NBAS: variants seen among roughly 807,000 people sequenced by gnomAD.
NBAS encodes NBAS subunit of NRZ tethering complex.
NBAS carries 219 observed loss-of-function variants against 302.5 expected under a neutral mutation model. The observed-to-expected ratio is 0.72, with a 90% confidence interval of 0.65 to 0.81. NBAS has a LOEUF of 0.81. NBAS is among the 30% of genes least tolerant of loss of function. NBAS has a pLI of 0.00. For synonymous variants in NBAS, 1,118 were observed against 1,021.6 expected, an observed-to-expected ratio of 1.09 and a Z score of -1.80; for missense variants, 2,932 against 2,841.6, an observed-to-expected ratio of 1.03 and a Z score of -0.72.
At chr2:14,822,546 C>T in the NBAS span, among the ~76,000 whole-genome samples, 2 of 152,070 alleles carry the variant, frequency 1.3e-5, no homozygotes, top group African/African-American at 4.8e-5. Flanking sequence ...GGTCATGAAC[C>T]CCAAGCAGGT....
At chr2:14,826,021 T>G in the NBAS span, among the ~76,000 whole-genome samples, 2 of 152,260 alleles carry the variant, frequency 1.3e-5, no homozygotes, top group East Asian at 3.8e-4. Context: ...GTTTGGCAAT[T>G]AGTACCCATG....
Position 15,365,878 on chromosome 2 carries a change from C to CA in NBAS, c.3817+701dup, listed in dbSNP as rs570296874. 1.3e-3 allele frequency among the ~76,000 whole-genome samples: 187 copies of CA among 145,512 alleles called. 1 individual carries two copies. The highest frequency in any genetic ancestry group is 3.3e-3 in the African/African-American group (132 of 39,702). ...CAGAGATCAGCATAAGACAAAACTA[C>CA]AAAAAAAAAAGTATTAAAAAGACTG... On this transcript the variant is annotated intron_variant, in intron 32 of 51. Transcript: ENST00000281513.
At chr2:15,323,544 T>C (rs1188990585) in intron 38 of NBAS, among the ~76,000 whole-genome samples, 5 of 152,172 alleles carry the variant, frequency 3.3e-5, no homozygotes, top group Admixed American at 3.3e-4. Flanking sequence ...CTGAATTCCC[T>C]GAGGTTCTCT....
At position 15,339,716 on chromosome 2, in the gene NBAS, C is replaced by T. The variant is rs144522400; in HGVS notation, c.4180-8951G>A. On this transcript the variant is annotated intron_variant, in intron 35 of 51. Coordinates refer to ENST00000281513, the MANE Select transcript of NBAS (RefSeq NM_015909.4). Reference sequence around the variant, plus strand: ...ATATGGGCTAGAAAGAAAAATAAAGCGGTGTGGCTGGGTGAGAACACCATA... The same window carrying T: ...ATATGGGCTAGAAAGAAAAATAAAGTGGTGTGGCTGGGTGAGAACACCATA... 1.1e-4 allele frequency among the ~76,000 whole-genome samples: 17 copies of T among 152,088 alleles called. No homozygotes were observed. In the East Asian group the frequency reaches 1.5e-3, roughly 14 times the overall value.
chr2:14,889,031 G>A, the NBAS span, among the ~76,000 whole-genome samples: 1 of 152,174 alleles, frequency 6.6e-6, no homozygotes, highest in South Asian at 2.1e-4. Context: ...ATTACTACTT[G>A]TTCCAATCTC....
At chr2:15,471,627 TCAATATGTCCCCCAAAATC>T (rs1027720972) in intron 16 of NBAS, among the ~76,000 whole-genome samples, 2 of 151,962 alleles carry the variant, frequency 1.3e-5, no homozygotes, top group African/African-American at 4.9e-5. Flanking sequence ...TGCTATGAAA[TCAATATGTCCCCCAAAATC>T]CATATGTTGA....
chr2:15,223,690 G>A (rs1408035370), intron 47 of NBAS, among the ~76,000 whole-genome samples: 5 of 151,896 alleles, frequency 3.3e-5, no homozygotes, highest in Admixed American at 2.0e-4. Flanking sequence ...TTAGCTGGGC[G>A]TGGTGGTGCG....
At chr2:15,111,127 T>C in the NBAS span, among the ~76,000 whole-genome samples, 1 of 152,118 alleles carries the variant, frequency 6.6e-6, no homozygotes, top group Admixed American at 6.5e-5. Context: ...CAGCCTGTAA[T>C]AAAGCTGAAT....
At chr2:15,177,784 G>T (rs1664620584) in intron 51 of NBAS, among the ~76,000 whole-genome samples, 1 of 152,184 alleles carries the variant, frequency 6.6e-6, no homozygotes, top group Non-Finnish European at 1.5e-5. Context: ...AGCATAGATA[G>T]GTGGGAGGGC....
intron 9 of NBAS, among the ~76,000 whole-genome samples, chr2:15,515,284 C>G (rs747152744): frequency 7.2e-5 from 11 of 151,748 alleles, no homozygotes; most frequent in Non-Finnish European, 1.5e-4. Context: ...ATTAGTGGCA[C>G]AAAAGATGAC....
intron 21 of NBAS, among the ~76,000 whole-genome samples, chr2:15,458,073 G>A (rs2160691): frequency 0.64 from 96,827 of 151,938 alleles, 31,595 homozygotes; most frequent in Middle Eastern, 0.69. Context: ...TACAAGCGCC[G>A]CCCTAACTGG....
chr2:15,383,234 T>C lies in NBAS; in HGVS notation c.3341A>G (p.Asp1114Gly). The stretch of plus-strand genomic sequence containing the variant: ...AGTTACCTCATAGCAGGCATCAGAA[T>C]CTAGACATGTGTATACATTCTGCTG... ...TMQQNVYTCL[D>G]SDACYEIFTE... Residue 1114 changes from aspartate (D) to glycine (G), a missense_variant, in exon 29 of 52, where the codon GAT (aspartate) becomes GGT (glycine). Physicochemically the swap from Asp to Gly is moderately conservative, Grantham distance 94. Transcript: ENST00000281513. 1.2e-6 allele frequency: 2 copies of C among 1,613,904 alleles called. No individual in the cohort carries two copies. Among genetic ancestry groups the C allele is most frequent in the Non-Finnish European group, 1.7e-6 (2 of 1,179,832 alleles).
At chr2:15,345,536 C>T (rs1197813662) in intron 35 of NBAS, among the ~76,000 whole-genome samples, 1 of 152,192 alleles carries the variant, frequency 6.6e-6, no homozygotes, top group African/African-American at 2.4e-5. Flanking sequence ...TTTCCATGCT[C>T]ATGGATAGGA....
chr2:14,843,937 C>T, the NBAS span, among the ~76,000 whole-genome samples: 1 of 152,020 alleles, frequency 6.6e-6, no homozygotes, highest in Non-Finnish European at 1.5e-5. Flanking sequence ...CAAAAAGCCT[C>T]GGGCCCTAAA....
chr2:15,332,361 G>A (rs941182555), intron 35 of NBAS, among the ~76,000 whole-genome samples: 1 of 152,012 alleles, frequency 6.6e-6, no homozygotes, highest in African/African-American at 2.4e-5. Context: ...CAAAGTTTGT[G>A]GTAATATACA....
At chr2:14,781,572 G>A in the NBAS span, among the ~76,000 whole-genome samples, 1 of 152,048 alleles carries the variant, frequency 6.6e-6, no homozygotes, top group East Asian at 1.9e-4. Context: ...CAAGGCTGCA[G>A]CAGCCAAGTC....
intron 48 of NBAS, among the ~76,000 whole-genome samples, chr2:15,210,873 G>C (rs1378841626): frequency 6.6e-6 from 1 of 152,176 alleles, no homozygotes; most frequent in Non-Finnish European, 1.5e-5. Flanking sequence ...GCCAGGCACG[G>C]AAAGACAAAC....
At chr2:14,837,970 T>C in the NBAS span, among the ~76,000 whole-genome samples, 7 of 151,926 alleles carry the variant, frequency 4.6e-5, no homozygotes, top group Admixed American at 1.3e-4. Context: ...AAAGAATATA[T>C]TTTTGTGGTT....
the NBAS span, among the ~76,000 whole-genome samples, chr2:14,854,138 GA>G: frequency 3.3e-5 from 5 of 150,804 alleles, no homozygotes; most frequent in Admixed American, 3.3e-4. Context: ...AATGATAATG[GA>G]AACAACATAC....
Sources: gnomAD v4.1 joint callset for allele counts (sites outside exome capture counted in the v4.1 genomes callset) on GRCh38, gnomAD v4.1.1 for gene constraint, MANE v1.5 for transcripts, NCBI Gene and HGNC (gene_info 2026-07-23, HGNC 2026-07-21) for gene names.